Variants in ROBO2 observed in about 807,000 individuals in gnomAD.
ROBO2 encodes the protein roundabout homolog 2.
Under a neutral mutation model 160.8 loss-of-function variants are expected in ROBO2, and 53 were observed. The observed-to-expected ratio is 0.33, with a 90% confidence interval of 0.26 to 0.41. The LOEUF (loss-of-function observed/expected upper bound fraction) is 0.41. ROBO2 is among the 10% of genes least tolerant of loss of function. ROBO2 has a pLI of 1.00. For synonymous variants in ROBO2, 664 were observed against 611.7 expected (o/e 1.09, Z -1.26); for missense variants, 1,577 against 1,722.4 (o/e 0.92, Z 1.49).
At chr3:76,425,352 A>C (rs555807409) in intron 2 of ROBO2, among the ~76,000 whole-genome samples, 1 of 152,150 alleles carries the variant, frequency 6.6e-6, no homozygotes, top group South Asian at 2.1e-4. Flanking sequence ...TTAACTGGGC[A>C]CCTTTGTATT....
At chr3:76,483,830 C>A (rs1316057060) in intron 2 of ROBO2, among the ~76,000 whole-genome samples, 1 of 152,078 alleles carries the variant, frequency 6.6e-6, no homozygotes, top group Non-Finnish European at 1.5e-5. Context: ...GTTTTCTGTT[C>A]CTGTGTTAGT....
At chr3:77,234,956 G>A (rs2087741383) in intron 2 of ROBO2, among the ~76,000 whole-genome samples, 1 of 152,104 alleles carries the variant, frequency 6.6e-6, no homozygotes, top group Admixed American at 6.5e-5. Flanking sequence ...ATTGCATTAT[G>A]TTTAAGCATT....
chr3:75,915,202 A>C (rs1425310078), intron 1 of ROBO2, among the ~76,000 whole-genome samples: 3 of 152,208 alleles, frequency 2.0e-5, no homozygotes, highest in Admixed American at 6.5e-5. Flanking sequence ...TGGAACATGT[A>C]AAGCTTATAG....
At position 77,568,440 on chromosome 3, in the gene ROBO2, C is replaced by T. The variant is rs1326816389; in HGVS notation, c.1971+6C>T. 6.2e-7 allele frequency: 1 copy of T among 1,612,598 alleles called. No homozygotes were observed. The highest frequency in any genetic ancestry group is 8.5e-7 in the Non-Finnish European group (1 of 1,179,098). Reference sequence around the variant, plus strand: ...CGGTTCAGGTCACATGGACGGTAAGCTTTCAAAGGCAATGTTAATAGTAAT... The same window carrying T: ...CGGTTCAGGTCACATGGACGGTAAGTTTTCAAAGGCAATGTTAATAGTAAT... On this transcript the variant is annotated splice_donor_region_variant and intron_variant, in intron 13 of 25. Transcript: ENST00000461745.
chr3:76,744,387 T>C (rs2093850663), intron 2 of ROBO2, among the ~76,000 whole-genome samples: 1 of 151,824 alleles, frequency 6.6e-6, no homozygotes, highest in South Asian at 2.1e-4. Flanking sequence ...TGAGATAGGG[T>C]CTCCTTATGC....
intron 2 of ROBO2, among the ~76,000 whole-genome samples, chr3:76,580,341 TGTTTTTTTTTTTG>T (rs2085602726): frequency 2.2e-5 from 1 of 45,458 alleles, no homozygotes; most frequent in African/African-American, 6.1e-5. Context: ...TTTTTTTTTG[TGTTTTTTTTTTTG>T]TTTTTTTTTT....
intron 1 of ROBO2, among the ~76,000 whole-genome samples, chr3:75,918,393 A>G (rs889951535): frequency 2.0e-5 from 3 of 151,976 alleles, no homozygotes; most frequent in African/African-American, 7.2e-5. Flanking sequence ...ATTGGTCTAT[A>G]TATCTGTTTT....
intron 2 of ROBO2, among the ~76,000 whole-genome samples, chr3:77,205,539 A>T (rs2083350504): frequency 6.6e-6 from 1 of 151,942 alleles, no homozygotes; most frequent in Admixed American, 6.6e-5. Context: ...CCAAAAGGCA[A>T]CTTTTTGGGC....
At chr3:77,004,711 C>T (rs9836906) in intron 2 of ROBO2, among the ~76,000 whole-genome samples, 9,841 of 152,112 alleles carry the variant, frequency 0.065, 391 homozygotes, top group African/African-American at 0.11. Context: ...TAAAATGTTT[C>T]GGTGCTGATA....
At chr3:76,350,143 T>G (rs979907397) in intron 2 of ROBO2, among the ~76,000 whole-genome samples, 1 of 152,096 alleles carries the variant, frequency 6.6e-6, no homozygotes, top group Admixed American at 6.6e-5. Flanking sequence ...AATGGCAAAG[T>G]CATGAAAATG....
chr3:76,422,935 C>A (rs1333387960), intron 2 of ROBO2, among the ~76,000 whole-genome samples: 2 of 151,924 alleles, frequency 1.3e-5, no homozygotes, highest in Non-Finnish European at 2.9e-5. Context: ...ATCTGTTTTA[C>A]TAAAGATGCA....
At chr3:75,933,040 C>A (rs1286316267) in intron 1 of ROBO2, among the ~76,000 whole-genome samples, 1 of 152,072 alleles carries the variant, frequency 6.6e-6, no homozygotes, top group Non-Finnish European at 1.5e-5. Flanking sequence ...CTGAGATAAG[C>A]CCTGCCTGTG....
At chr3:76,331,327 CCTTG>C (rs1323443651) in intron 2 of ROBO2, among the ~76,000 whole-genome samples, 2 of 152,238 alleles carry the variant, frequency 1.3e-5, no homozygotes, top group Admixed American at 1.3e-4. Context: ...ATGAGGCACA[CCTTG>C]CTTCCAGCAA....
chr3:75,921,436 G>GA (rs772358137), intron 1 of ROBO2, among the ~76,000 whole-genome samples: 75 of 151,068 alleles, frequency 5.0e-4, no homozygotes, highest in East Asian at 2.1e-3. Flanking sequence ...AAAGAAAATA[G>GA]AAAAAAAAAT....
chr3:76,808,196 C>T (rs181316157), intron 2 of ROBO2, among the ~76,000 whole-genome samples: 3 of 152,192 alleles, frequency 2.0e-5, no homozygotes, highest in East Asian at 3.9e-4. Flanking sequence ...TGTTGTGTTA[C>T]TTAAGCTGCA....
At chr3:76,994,899 CT>C (rs2149388559) in intron 2 of ROBO2, among the ~76,000 whole-genome samples, 1 of 151,874 alleles carries the variant, frequency 6.6e-6, no homozygotes, top group African/African-American at 2.4e-5. Flanking sequence ...AATATTGTTA[CT>C]TTTTTCATTA....
intron 1 of ROBO2, among the ~76,000 whole-genome samples, chr3:77,090,318 C>G (rs1474827623): frequency 4.6e-5 from 5 of 107,644 alleles, no homozygotes; most frequent in Non-Finnish European, 8.3e-5. Flanking sequence ...ATCTTCTAAA[C>G]CACTCTTTTT....
At chr3:76,675,442 G>C (rs928485164) in intron 2 of ROBO2, among the ~76,000 whole-genome samples, 5 of 151,934 alleles carry the variant, frequency 3.3e-5, no homozygotes, top group East Asian at 1.9e-4. Context: ...AAAAAGAAAC[G>C]AAAACACATT....
At chr3:76,826,754 T>A (rs1362756593) in intron 2 of ROBO2, among the ~76,000 whole-genome samples, 1 of 152,204 alleles carries the variant, frequency 6.6e-6, no homozygotes, top group African/African-American at 2.4e-5. Flanking sequence ...GATTTTGTGC[T>A]GGTCTCCATA....
Sources: gnomAD v4.1 joint callset for allele counts (sites outside exome capture counted in the v4.1 genomes callset) on GRCh38, gnomAD v4.1.1 for gene constraint, MANE v1.5 for transcripts, NCBI Gene and HGNC (gene_info 2026-07-23, HGNC 2026-07-21) for gene names.